Variants in LRRK1 observed in about 807,000 individuals in gnomAD.
LRRK1 encodes the protein leucine-rich repeat serine/threonine-protein kinase 1.
LRRK1 carries 113 observed loss-of-function variants against 209.1 expected under a neutral mutation model. The observed-to-expected ratio is 0.54, with a 90% CI of 0.46 to 0.63. The LOEUF is 0.63. LRRK1 is among the 30% of genes least tolerant of loss of function. The pLI is 0.00. For missense variants in LRRK1, 2,284 were observed against 2,632.2 expected, an observed-to-expected ratio of 0.87 and a Z score of 2.89; for synonymous variants, 1,144 against 1,099.7, an observed-to-expected ratio of 1.04 and a Z score of -0.80.
At chr15:101,039,290 G>A (rs1030121024) in intron 20 of LRRK1, among the ~76,000 whole-genome samples, 18 of 151,978 alleles carry the variant, frequency 1.2e-4, no homozygotes, top group Non-Finnish European at 1.9e-4. Flanking sequence ...TTCTCTCCAC[G>A]GTGGTTTGTT....
chr15:101,057,792 G>T (rs11247258), intron 28 of LRRK1, among the ~76,000 whole-genome samples, 198 bp from the exon 29 acceptor site: 1 of 152,212 alleles, frequency 6.6e-6, no homozygotes, highest in African/African-American at 2.4e-5. Flanking sequence ...TTAAATTGCC[G>T]TAGCCAAAGG....
At chr15:101,012,559 G>T (rs779269657) in intron 10 of LRRK1, among the ~76,000 whole-genome samples, 9 of 152,178 alleles carry the variant, frequency 5.9e-5, no homozygotes, top group Non-Finnish European at 1.0e-4. Context: ...CACACTCATT[G>T]CTTGGAGCTC....
chr15:101,020,456 C>A (rs956591607), intron 12 of LRRK1, among the ~76,000 whole-genome samples: 1 of 149,544 alleles, frequency 6.7e-6, no homozygotes, highest in African/African-American at 2.5e-5. Flanking sequence ...CTCACTGCAA[C>A]CTCCACCTCC....
In LRRK1 at chr15:101,065,381, C is replaced by T. The variant is rs759353353; in HGVS notation, c.4944C>T (p.Ala1648=). 5.6e-6 allele frequency: 9 copies of T among 1,614,000 alleles called. No homozygotes were observed. The highest frequency in any genetic ancestry group is 1.7e-4 in the Middle Eastern group (1 of 6,060). The change falls in exon 32 of 34, where the codon GCC becomes GCT. Residue 1648 remains alanine, a synonymous_variant. Coordinates refer to ENST00000388948, the MANE Select transcript of LRRK1 (RefSeq NM_024652.6). ...CCTACCTGGTCTTAGCGGGCCTCGC[C>T]GATGGGCTTGTGGCTGTGTTTCCCG... ...KNSYLVLAGL[A]DGLVAVFPVV...
intron 22 of LRRK1, 94 bp from the exon 23 acceptor site, chr15:101,049,550 C>CG: frequency 6.9e-7 from 1 of 1,445,552 alleles, no homozygotes; most frequent in Non-Finnish European, 9.4e-7. Flanking sequence ...TCCAGGTCCC[C>CG]GGGGGTTGGT....
rs1265314047 is a variant in LRRK1, at chr15:101,015,892, C to T, written c.1609+490C>T. The stretch of plus-strand genomic sequence containing the variant: ...TGGATATCTGAGAGGAGGGTGCCAG[C>T]ACTGTCAGGGGCTTGCGAGGGCCTT... On this transcript the variant is annotated intron_variant, in intron 12 of 33. Coordinates refer to ENST00000388948, the MANE Select transcript of LRRK1 (RefSeq NM_024652.6). 2.0e-5 allele frequency among the ~76,000 whole-genome samples: 3 copies of T among 152,252 alleles called. No individual in the cohort carries two copies. The East Asian group carries it at 5.8e-4, about 29-fold the overall frequency.
intron 6 of LRRK1, among the ~76,000 whole-genome samples, chr15:101,002,455 T>C (rs1169193248): frequency 6.6e-6 from 1 of 152,248 alleles, no homozygotes; most frequent in Non-Finnish European, 1.5e-5. Flanking sequence ...GGCTCATGCT[T>C]GAAAAACCAA....
intron 20 of LRRK1, among the ~76,000 whole-genome samples, chr15:101,035,848 G>A (rs912622004): frequency 6.6e-6 from 1 of 152,050 alleles, no homozygotes; most frequent in Non-Finnish European, 1.5e-5. Context: ...ATACTTTTGT[G>A]TGTTTTCATG....
In LRRK1 at chr15:101,071,590, A is replaced by C. The variant is rs2141172944; in HGVS notation, c.*2742A>C. On this transcript the variant is annotated 3_prime_UTR_variant, in exon 34 of 34. Coordinates refer to ENST00000388948, the MANE Select transcript of LRRK1 (RefSeq NM_024652.6). ...TTTTCAGTAGAAACGGGGTTTCACC[A>C]TGTTGGCCAGGATGGTCTTGAACTC... 1 of 152,268 alleles carries C rather than the reference A, an allele frequency of 6.6e-6. No individual in the cohort carries two copies. The highest frequency in any genetic ancestry group is 2.1e-4 in the South Asian group (1 of 4,822). 9.4% of individuals were successfully genotyped at this position (152,268 alleles called of 1,614,324 possible). A position where few individuals can be genotyped will look rare whatever the true frequency, so the allele number is the denominator to read the frequency against.
In LRRK1 at chr15:101,012,272, G is replaced by T. The variant is rs1024670142; in HGVS notation, c.1419+127G>T. The T allele has an allele frequency of 2.3e-5, 22 of 941,988 alleles. No individual in the cohort carries two copies. In the Middle Eastern group the frequency reaches 8.8e-4, roughly 38 times the overall value. The allele number at this position is 941,988 out of a possible 1,614,324, so 58.4% of individuals were successfully genotyped here. A position where few individuals can be genotyped will look rare whatever the true frequency, so the allele number is the denominator to read the frequency against. On this transcript the variant is annotated intron_variant, in intron 10 of 33. Transcript: ENST00000388948. Reference sequence around the variant, plus strand: ...TATAAGGGGAAAAGATGAAGAAAAAGTTCAGCTATCAAAAATATGCATGGC... The same window carrying T: ...TATAAGGGGAAAAGATGAAGAAAAATTTCAGCTATCAAAAATATGCATGGC...
At chr15:101,049,526 G>A (rs1308335101) in intron 22 of LRRK1, 118 bp from the exon 23 acceptor site, 3 of 1,201,138 alleles carry the variant, frequency 2.5e-6, no homozygotes, top group Non-Finnish European at 2.3e-6. Flanking sequence ...CGGTCCTGCA[G>A]GGCACAGAGT....
chr15:100,955,223 T>C (rs10902586), intron 2 of LRRK1, among the ~76,000 whole-genome samples: 142,890 of 152,180 alleles, frequency 0.94, 67,099 homozygotes, highest in East Asian at 0.99. Context: ...TCTTTCTGCT[T>C]CTTGGTTAAA....
intron 29 of LRRK1, among the ~76,000 whole-genome samples, chr15:101,059,857 G>A (rs1344228515): frequency 2.0e-5 from 3 of 152,200 alleles, no homozygotes; most frequent in African/African-American, 7.2e-5. Context: ...GGCAGGGAGT[G>A]CACCTGGAAC....
intron 10 of LRRK1, 55 bp downstream of exon 10, chr15:101,012,200 C>A: frequency 1.4e-6 from 2 of 1,443,212 alleles, no homozygotes; most frequent in South Asian, 1.3e-5. Context: ...AAAATTGCTC[C>A]GTGTTGCAGT....
chr15:101,033,491 A>G (rs1306845581), intron 20 of LRRK1, among the ~76,000 whole-genome samples: 1 of 152,062 alleles, frequency 6.6e-6, no homozygotes, highest in Non-Finnish European at 1.5e-5. Context: ...CAAGTTTTTT[A>G]GCTCCCACAT....
At position 101,009,046 on chromosome 15, in the gene LRRK1, C is replaced by G. The variant is rs184008590; in HGVS notation, c.972C>G (p.Asp324Glu). 2.0e-4 allele frequency: 329 copies of G among 1,613,998 alleles called. 1 individual carries two copies. The African/African-American group carries it at 3.1e-3, about 15-fold the overall frequency. ...LGELPGVQSS[D>E]EIICSRLLEI... ...AGCTGCCTGGCGTGCAGTCATCGGA[C>G]GAAATCATCTGTTCCAGGTGGCTCC... Residue 324 changes from aspartate (D) to glutamate (E), a missense_variant, in exon 7 of 34, where the codon GAC becomes GAG. Physicochemically the swap from Asp to Glu is conservative, Grantham distance 45 (BLOSUM62 2). Transcript: ENST00000388948.
chr15:100,932,790 G>A (rs1465560077), intron 2 of LRRK1, among the ~76,000 whole-genome samples: 2 of 152,162 alleles, frequency 1.3e-5, no homozygotes, highest in African/African-American at 2.4e-5. Context: ...AGTGCCTGTT[G>A]ACTTCCTGCC....
At position 101,074,266 on chromosome 15, in the gene LRRK1, C is replaced by T. The variant is rs566012095; in HGVS notation, c.*5418C>T. 29 of 152,302 alleles carry T rather than the reference C, an allele frequency of 1.9e-4. No homozygotes were observed. The highest frequency in any genetic ancestry group is 3.9e-4 in the Admixed American group (6 of 15,294). The allele number at this position is 152,302 out of a possible 1,614,324, so 9.4% of individuals were successfully genotyped here. ...CCCAATTCTTCCTCAGCCTCCGCTCCTCCACCATATAATCTTTTTATCACC... is the reference window on the plus strand; with the variant it reads ...CCCAATTCTTCCTCAGCCTCCGCTCTTCCACCATATAATCTTTTTATCACC... On this transcript the variant is annotated 3_prime_UTR_variant, in exon 34 of 34. Transcript: ENST00000388948.
intron 20 of LRRK1, among the ~76,000 whole-genome samples, chr15:101,039,242 C>T (rs2034631308): frequency 6.6e-6 from 1 of 152,116 alleles, no homozygotes; most frequent in African/African-American, 2.4e-5. Context: ...CCAATATGAA[C>T]ATGGTATATC....
Sources: gnomAD v4.1 joint callset for allele counts (sites outside exome capture counted in the v4.1 genomes callset) on GRCh38, gnomAD v4.1.1 for gene constraint, MANE v1.5 for transcripts, NCBI Gene and HGNC (gene_info 2026-07-23, HGNC 2026-07-21) for gene names.